The following DCAF7 variants were observed in gnomAD, a reference collection of about 807,000 sequenced individuals.
The protein encoded by DCAF7 is DDB1 and CUL4 associated factor 7, also known as DDB1- and CUL4-associated factor 7.
A neutral mutation model predicts 41.2 loss-of-function variants in DCAF7; 4 were observed. That is an observed-to-expected ratio of 0.10 (90% CI 0.05 to 0.22). The LOEUF (loss-of-function observed/expected upper bound fraction) is 0.22, where lower values mean the gene tolerates loss of function less well. Ranked by LOEUF, DCAF7 falls within the 10% of genes least tolerant of loss-of-function variation. The pLI, the probability that DCAF7 is intolerant of heterozygous loss-of-function variation, is 1.00. For synonymous variants in DCAF7, 143 were observed against 164.2 expected, an observed-to-expected ratio of 0.87 and a Z score of 0.99; for missense variants, 131 against 443.2, an observed-to-expected ratio of 0.30 and a Z score of 6.32.
At chr17:63,588,642 A>T (rs972910116) in intron 6 of DCAF7, among the ~76,000 whole-genome samples, 1 of 152,158 alleles carries the variant, frequency 6.6e-6, no homozygotes, top group African/African-American at 2.4e-5. Context: ...TAACCACTCA[A>T]GTATTTTAAG....
At chr17:63,562,003 C>T (rs971194967) in intron 1 of DCAF7, among the ~76,000 whole-genome samples, 3 of 87,834 alleles carry the variant, frequency 3.4e-5, no homozygotes, top group African/African-American at 1.5e-4. Context: ...AAATGTATGT[C>T]AATGTCCAAA....
At position 63,593,195 on chromosome 17, in the gene DCAF7, G is replaced by GT. The variant is rs1160741688; in HGVS notation, c.*4027dup. 6.5e-6 allele frequency: 1 copy of GT among 152,722 alleles called. No individual in the cohort carries two copies. The highest frequency in any genetic ancestry group is 2.4e-5 in the African/African-American group (1 of 41,438). The allele number at this position is 152,722 out of a possible 1,614,324, so 9.5% of individuals were successfully genotyped here. ...AAGATCATGCTTGATACTTAGATTGGTTTTCCCAGGGAAGAGGGCGGAGCA... is the reference window on the plus strand; with the variant it reads ...AAGATCATGCTTGATACTTAGATTGGTTTTTCCCAGGGAAGAGGGCGGAGCA... On this transcript the variant is annotated 3_prime_UTR_variant, in exon 7 of 7. Transcript: ENST00000614556.
intron 2 of DCAF7, 138 bp downstream of exon 2, chr17:63,578,766 T>G: frequency 8.2e-7 from 1 of 1,217,936 alleles, no homozygotes; most frequent in South Asian, 1.4e-5. Flanking sequence ...GAAGCTTAAA[T>G]GGACTGGCCT....
chr17:63,553,703 T>C (rs1209704078), intron 1 of DCAF7, among the ~76,000 whole-genome samples: 1 of 152,204 alleles, frequency 6.6e-6, no homozygotes, highest in Non-Finnish European at 1.5e-5. Context: ...GTGGAGACAT[T>C]CACTAAGAAA....
intron 1 of DCAF7, among the ~76,000 whole-genome samples, chr17:63,559,701 C>G (rs988486327): frequency 2.0e-5 from 3 of 151,536 alleles, no homozygotes; most frequent in African/African-American, 7.3e-5. Context: ...ACTCGGGAAG[C>G]TGAGGCAGGA....
In DCAF7 at chr17:63,550,521, CCGT is replaced by C; in HGVS notation, c.-150_-148del. Reference sequence around the variant, plus strand: ...GTTTGAAACTAGGGGTCGGGCTCGGCCGTCGTCGTTGTTTGTCGCCGCATCCCC... The same window carrying C: ...GTTTGAAACTAGGGGTCGGGCTCGGCCGTCGTTGTTTGTCGCCGCATCCCC... On this transcript the variant is annotated 5_prime_UTR_variant, in exon 1 of 7. Transcript: ENST00000614556. This position sits in a 1 kb window ranked among gnomAD's most constrained non-coding sequence, Gnocchi z 4.8. 3.3e-6 allele frequency: 4 copies of C among 1,217,516 alleles called. No individual in the cohort carries two copies. The highest frequency in any genetic ancestry group is 4.4e-6 in the Non-Finnish European group (4 of 905,716). The allele number at this position is 1,217,516 out of a possible 1,614,324, so 75.4% of individuals were successfully genotyped here. A position where few individuals can be genotyped will look rare whatever the true frequency, so the allele number is the denominator to read the frequency against.
chr17:63,558,188 G>T (rs1350579011), intron 1 of DCAF7, among the ~76,000 whole-genome samples: 1 of 152,048 alleles, frequency 6.6e-6, no homozygotes. Flanking sequence ...CACAGAGCCT[G>T]GCATCCCTAG....
At chr17:63,555,228 G>C (rs543510003) in intron 1 of DCAF7, among the ~76,000 whole-genome samples, 1 of 152,350 alleles carries the variant, frequency 6.6e-6, no homozygotes, top group South Asian at 2.1e-4. Flanking sequence ...ATGGCAGTGT[G>C]ATTGGGATTT....
At chr17:63,574,289 A>G (rs1221476538) in intron 1 of DCAF7, among the ~76,000 whole-genome samples, 2 of 151,872 alleles carry the variant, frequency 1.3e-5, no homozygotes, top group Non-Finnish European at 2.9e-5. Flanking sequence ...TTTCCTCTCA[A>G]TTGTTATCGA....
intron 6 of DCAF7, among the ~76,000 whole-genome samples, chr17:63,587,214 T>C (rs2033686232): frequency 6.6e-6 from 1 of 152,170 alleles, no homozygotes; most frequent in African/African-American, 2.4e-5. Context: ...CATGAAGCTT[T>C]TCCTGATTTT....
intron 4 of DCAF7, 49 bp from the exon 5 acceptor site, chr17:63,583,453 G>C: frequency 6.5e-7 from 1 of 1,532,260 alleles, no homozygotes; most frequent in Non-Finnish European, 9.0e-7. Context: ...CCTATAGGAA[G>C]AAGAGGTAAT....
chr17:63,580,751 ACCT>A (rs2033614297), intron 4 of DCAF7, among the ~76,000 whole-genome samples: 1 of 151,820 alleles, frequency 6.6e-6, no homozygotes. Flanking sequence ...AACTCTCCTG[ACCT>A]CAGGTGATCC....
At chr17:63,551,301 A>ACCCCCC (rs1598022953) in intron 1 of DCAF7, among the ~76,000 whole-genome samples, 4 of 62,242 alleles carry the variant, frequency 6.4e-5, no homozygotes, top group Non-Finnish European at 7.0e-5. Context: ...CCCGCCCCCT[A>ACCCCCC]CTCCCACCCC....
intron 1 of DCAF7, among the ~76,000 whole-genome samples, chr17:63,558,382 C>T (rs969025628): frequency 3.9e-5 from 6 of 152,110 alleles, no homozygotes; most frequent in Non-Finnish European, 7.4e-5. Flanking sequence ...TGGGGATATA[C>T]TTAGGCATAT....
At chr17:63,561,894 C>G (rs1440250422) in intron 1 of DCAF7, among the ~76,000 whole-genome samples, 3 of 151,410 alleles carry the variant, frequency 2.0e-5, no homozygotes, top group African/African-American at 4.9e-5. Flanking sequence ...GGTGAGGAAC[C>G]TGAAGCTCAG....
rs950826751 is a variant in DCAF7, at chr17:63,578,579, T to A, written c.248T>A (p.Val83Asp). Reference protein sequence around the residue: ...KLMWIPDTKGVYPDLLATSGD... With the variant: ...KLMWIPDTKGDYPDLLATSGD... ...ATGTGGATCCCTGACACAAAAGGCG[T>A]CTATCCAGACCTACTGGCAACAAGC... The change falls in exon 2 of 7, where the codon GTC becomes GAC. Residue 83 changes from valine to aspartate, a missense_variant. Val to Asp is a radical substitution (Grantham distance 152). Transcript: ENST00000614556. 1 of 1,614,006 alleles carries A rather than the reference T, an allele frequency of 6.2e-7. No homozygotes were observed. The highest frequency in any genetic ancestry group is 8.5e-7 in the Non-Finnish European group (1 of 1,179,886).
chr17:63,563,273 T>A (rs1444653004), intron 1 of DCAF7, among the ~76,000 whole-genome samples: 2 of 152,234 alleles, frequency 1.3e-5, no homozygotes, highest in Non-Finnish European at 2.9e-5. Flanking sequence ...TCACAGGTAG[T>A]TAAGGGAAAT....
chr17:63,585,117 T>C, intron 5 of DCAF7, 94 bp from the exon 6 acceptor site: 1 of 982,694 alleles, frequency 1.0e-6, no homozygotes, highest in South Asian at 1.5e-5. Flanking sequence ...AATGAAAAAT[T>C]ATGCCTAAAA....
At chr17:63,586,243 A>G (rs1474348037) in intron 6 of DCAF7, among the ~76,000 whole-genome samples, 1 of 151,990 alleles carries the variant, frequency 6.6e-6, no homozygotes, top group African/African-American at 2.4e-5. Flanking sequence ...GCTTGAGGCC[A>G]AGAGTTCAAG....
Sources: gnomAD v4.1 joint callset for allele counts (sites outside exome capture counted in the v4.1 genomes callset) on GRCh38, gnomAD v4.1.1 for gene constraint, Gnocchi (gnomAD v3.1) non-coding constraint, MANE v1.5 for transcripts, NCBI Gene and HGNC (gene_info 2026-07-23, HGNC 2026-07-21) for gene names.